PAICS: variants seen among roughly 807,000 people sequenced by gnomAD.
PAICS encodes the protein bifunctional phosphoribosylaminoimidazole carboxylase/phosphoribosylaminoimidazole succinocarboxamide synthetase.
Under a neutral mutation model 53.7 loss-of-function variants are expected in PAICS, and 33 were observed. The ratio of observed to expected loss-of-function variants is 0.61; its 90% CI spans 0.47 to 0.82. The LOEUF is 0.82. Among genes scored for constraint, PAICS ranks in the 40% least tolerant of loss-of-function variants. The pLI, the probability that PAICS is intolerant of heterozygous loss-of-function variation, is 0.00. For missense variants in PAICS, 394 were observed against 494.1 expected (o/e 0.80, Z 1.92); for synonymous variants, 141 against 167.2 (o/e 0.84, Z 1.21).
intron 7 of PAICS, among the ~76,000 whole-genome samples, chr4:56,452,863 G>A (rs80178890): frequency 6.6e-6 from 1 of 152,060 alleles, no homozygotes; most frequent in African/African-American, 2.4e-5. Context: ...TTTCTCAACT[G>A]GAAAAAAATG....
At chr4:56,435,424 G>A, upstream of PAICS, 2 of 1,613,882 alleles carry the variant, frequency 1.2e-6, no homozygotes, top group Non-Finnish European at 1.7e-6. Flanking sequence ...CTCCTGAGGC[G>A]ATGCACCCGA....
chr4:56,413,875 C>T, the PAICS span, among the ~76,000 whole-genome samples: 5 of 151,814 alleles, frequency 3.3e-5, no homozygotes, highest in East Asian at 1.9e-4. Flanking sequence ...CCAGCCTGGG[C>T]GACAAGAGTA....
the PAICS span, chr4:56,414,463 T>C: frequency 6.6e-6 from 1 of 152,252 alleles, no homozygotes; most frequent in African/African-American, 2.4e-5. Context: ...GGCCTATGGC[T>C]GCCAAACCAC....
At chr4:56,447,457 A>AT (rs58565748) in intron 3 of PAICS, among the ~76,000 whole-genome samples, 2,257 of 152,222 alleles carry the variant, frequency 0.015, 20 homozygotes, top group South Asian at 0.022. Flanking sequence ...AAATTATTTC[A>AT]TTTTTTTCAC....
the PAICS span, chr4:56,410,916 A>G: frequency 1.0e-5 from 10 of 978,994 alleles, no homozygotes; most frequent in African/African-American, 1.8e-5. Context: ...AAAAAAAAAA[A>G]AAAAAAAAAA....
At chr4:56,458,614 A>G (rs1329911030) in intron 8 of PAICS, among the ~76,000 whole-genome samples, 2 of 152,190 alleles carry the variant, frequency 1.3e-5, no homozygotes, top group Non-Finnish European at 2.9e-5. Context: ...AAATTAGTAA[A>G]TTGGCCTTGT....
intron 1 of PAICS, among the ~76,000 whole-genome samples, chr4:56,438,193 T>C (rs559755357): frequency 6.6e-6 from 1 of 152,126 alleles, no homozygotes; most frequent in African/African-American, 2.4e-5. Context: ...TTCTCTCCTG[T>C]GAATCCTTAG....
At chr4:56,443,894 G>C (rs928360240) in intron 2 of PAICS, among the ~76,000 whole-genome samples, 3 of 152,162 alleles carry the variant, frequency 2.0e-5, no homozygotes, top group Non-Finnish European at 4.4e-5. Flanking sequence ...ACTTAACATA[G>C]CTAAAACTTA....
At chr4:56,437,883 G>GT (rs368140663) in intron 1 of PAICS, among the ~76,000 whole-genome samples, 2 of 141,798 alleles carry the variant, frequency 1.4e-5, no homozygotes, top group African/African-American at 5.1e-5. Context: ...ATGATATTGA[G>GT]TATCAACTCC....
At chr4:56,435,053 G>A (rs1717822259), upstream of PAICS, among the ~76,000 whole-genome samples, 1 of 152,184 alleles carries the variant, frequency 6.6e-6, no homozygotes, top group Admixed American at 6.5e-5. Context: ...CAAGCAAACC[G>A]GCGGTTTACA....
chr4:56,448,007 C>CTTTTTTTTT (rs35788109), intron 3 of PAICS, among the ~76,000 whole-genome samples: 1 of 122,026 alleles, frequency 8.2e-6, no homozygotes, highest in African/African-American at 3.1e-5. Context: ...AATTTCTTTT[C>CTTTTTTTTT]TTTTTTTTTT....
In PAICS at chr4:56,459,679, C is replaced by CA. The variant is rs1223087326; in HGVS notation, c.*142dup. ...TAGTGAATAAATGCTTCTCTAGATC[C>CA]ATATTAATAAACATGAGCATCTAAC... On this transcript the variant is annotated 3_prime_UTR_variant, in exon 9 of 9. Coordinates refer to ENST00000512576, the MANE Select transcript of PAICS (RefSeq NM_001079524.2). 1.6e-6 allele frequency: 1 copy of CA among 617,740 alleles called. No homozygotes were observed. Among genetic ancestry groups the CA allele is most frequent in the African/African-American group, 1.8e-5 (1 of 54,426 alleles). 38.3% of individuals were successfully genotyped at this position (617,740 alleles called of 1,614,324 possible).
the PAICS span, chr4:56,428,997 A>G: frequency 2.4e-4 from 231 of 972,060 alleles, no homozygotes; most frequent in African/African-American, 1.6e-3. Flanking sequence ...AGAAAAGCAC[A>G]TGAAGATGGT....
At chr4:56,429,392 T>C in the PAICS span, among the ~76,000 whole-genome samples, 1 of 152,152 alleles carries the variant, frequency 6.6e-6, no homozygotes, top group Non-Finnish European at 1.5e-5. Flanking sequence ...TAGTCAATAA[T>C]CAATATAACA....
rs1488276773 is a variant in PAICS at position 56,446,721 on chromosome 4, T to C, written c.241T>C (p.Cys81Arg). ...AGIKTAFTRK[C>R]GETAFIAPQC... ...TATTAAAACTGCCTTCACCAGAAAA[T>C]GTGGGGAGACAGCTTTCATTGCACC... Residue 81 changes from cysteine (C) to arginine (R), a missense_variant, in exon 3 of 9, where the codon TGT becomes CGT. Coordinates refer to ENST00000512576, the MANE Select transcript of PAICS (RefSeq NM_001079524.2). 1.2e-6 allele frequency: 2 copies of C among 1,601,942 alleles called. No individual in the cohort carries two copies. Among genetic ancestry groups the C allele is most frequent in the Non-Finnish European group, 1.7e-6 (2 of 1,173,258 alleles).
intron 1 of PAICS, 190 bp downstream of exon 1, chr4:56,436,518 G>A: frequency 1.4e-6 from 1 of 714,118 alleles, no homozygotes; most frequent in South Asian, 1.5e-5. Context: ...ATGGGGAGAA[G>A]GAGCAAAGTA....
At chr4:56,450,527 ACT>A (rs1718851710) in intron 5 of PAICS, 90 bp from the exon 6 acceptor site, 2 of 689,886 alleles carry the variant, frequency 2.9e-6, no homozygotes, top group African/African-American at 1.8e-5. Context: ...TGCTATACAA[ACT>A]CTTCATAATC....
chr4:56,449,101 A>G (rs780899043), intron 5 of PAICS, among the ~76,000 whole-genome samples: 6 of 152,220 alleles, frequency 3.9e-5, no homozygotes, highest in Non-Finnish European at 7.3e-5. Context: ...AATGAAAACT[A>G]AGGGTCTTAA....
chr4:56,411,615 T>A, the PAICS span, among the ~76,000 whole-genome samples: 1 of 152,198 alleles, frequency 6.6e-6, no homozygotes, highest in East Asian at 1.9e-4. Flanking sequence ...TAATGAGATG[T>A]CTACCATAGT....
Sources: allele counts gnomAD v4.1 joint callset (sites outside exome capture counted in the v4.1 genomes callset), GRCh38; gene constraint gnomAD v4.1.1; transcripts MANE v1.5; gene names NCBI Gene and HGNC (gene_info 2026-07-23, HGNC 2026-07-21).